Variants in VAV2 observed in about 807,000 individuals in gnomAD.
The protein encoded by VAV2 is guanine nucleotide exchange factor VAV2.
In VAV2, 67 loss-of-function variants were observed where a neutral mutation model predicts 132.5. That is an observed-to-expected ratio of 0.51 (90% CI 0.42 to 0.62). The LOEUF is 0.62. VAV2 is among the 20% of genes least tolerant of loss of function. The pLI, the probability that VAV2 is intolerant of heterozygous loss-of-function variation, is 0.00. For synonymous variants in VAV2, 492 were observed against 443.5 expected, an observed-to-expected ratio of 1.11 and a Z score of -1.37; for missense variants, 938 against 1,153.6, an observed-to-expected ratio of 0.81 and a Z score of 2.71.
At chr9:133,871,175 G>C (rs12348043) in intron 2 of VAV2, among the ~76,000 whole-genome samples, 5,463 of 150,338 alleles carry the variant, frequency 0.036, 328 homozygotes, top group African/African-American at 0.13. Flanking sequence ...TGGATGGATA[G>C]ATGAGTGGGT....
intron 13 of VAV2, among the ~76,000 whole-genome samples, chr9:133,790,208 A>G (rs539218543): frequency 6.6e-4 from 101 of 152,302 alleles, no homozygotes; most frequent in African/African-American, 2.2e-3. Flanking sequence ...AGATAGTCTC[A>G]CTACGTCACC....
chr9:133,830,863 C>T (rs140395310), intron 4 of VAV2, among the ~76,000 whole-genome samples: 73 of 152,174 alleles, frequency 4.8e-4, no homozygotes, highest in Admixed American at 3.1e-3. Context: ...GGAAAAACAA[C>T]ATAAAAAATT....
intron 2 of VAV2, among the ~76,000 whole-genome samples, chr9:133,906,512 ATCC>A (rs1261981903): frequency 6.6e-6 from 1 of 152,196 alleles, no homozygotes; most frequent in East Asian, 1.9e-4. Context: ...CCCAGCTTCA[ATCC>A]TGCAAGGACG....
chr9:133,832,059 T>C (rs1231644734), intron 4 of VAV2, among the ~76,000 whole-genome samples: 1 of 152,228 alleles, frequency 6.6e-6, no homozygotes, highest in African/African-American at 2.4e-5. Context: ...CATTGTCCTG[T>C]GGGTACAGGC....
At chr9:133,777,018 G>A (rs557641212) in intron 23 of VAV2, among the ~76,000 whole-genome samples, 1 of 152,194 alleles carries the variant, frequency 6.6e-6, no homozygotes, top group East Asian at 1.9e-4. Context: ...TGTTTGAGGG[G>A]AGCCTTTTTT....
chr9:133,990,490 G>A (rs1430430043), intron 1 of VAV2, among the ~76,000 whole-genome samples: 1 of 152,150 alleles, frequency 6.6e-6, no homozygotes, highest in Non-Finnish European at 1.5e-5. Flanking sequence ...GAGTCCACCA[G>A]GCAAGGCTGG....
At chr9:133,890,130 G>C (rs887065726) in intron 2 of VAV2, among the ~76,000 whole-genome samples, 1 of 152,182 alleles carries the variant, frequency 6.6e-6, no homozygotes, top group Non-Finnish European at 1.5e-5. Flanking sequence ...GCCAGGGCAT[G>C]GGCAGCACGG....
Position 133,797,819 on chromosome 9 carries a change from G to A in VAV2, c.837-10C>T, listed in dbSNP as rs1052005579. The A allele has an allele frequency of 5.6e-6, 9 of 1,609,514 alleles. No homozygotes were observed. Among genetic ancestry groups the A allele is most frequent in the Non-Finnish European group, 5.1e-6 (6 of 1,177,316 alleles). ...CCCGTAGATCAGAAGCCTGGACGGT[G>A]CACACACACGCACACACGCACACAG... is the stretch of plus-strand genomic sequence containing the variant. On this transcript the variant is annotated splice_polypyrimidine_tract_variant and intron_variant, in intron 9 of 29. Coordinates refer to ENST00000371850, the MANE Select transcript of VAV2 (RefSeq NM_001134398.2).
intron 7 of VAV2, among the ~76,000 whole-genome samples, chr9:133,808,215 G>A (rs930920852): frequency 6.6e-6 from 1 of 152,240 alleles, no homozygotes; most frequent in African/African-American, 2.4e-5. Flanking sequence ...GAACTGGAAG[G>A]ACCTGGGCCA....
At chr9:133,890,805 G>A (rs922504203) in intron 2 of VAV2, among the ~76,000 whole-genome samples, 19 of 152,252 alleles carry the variant, frequency 1.2e-4, no homozygotes, top group African/African-American at 3.9e-4. Context: ...GAAGCCGCAC[G>A]CTGGTGACGG....
intron 2 of VAV2, among the ~76,000 whole-genome samples, chr9:133,875,896 C>G (rs1016036450): frequency 6.6e-6 from 1 of 152,242 alleles, no homozygotes; most frequent in African/African-American, 2.4e-5. Flanking sequence ...GTATAGCAGA[C>G]GCCTCCCGTG....
At chr9:133,988,927 G>A (rs1461929301) in intron 1 of VAV2, among the ~76,000 whole-genome samples, 2 of 152,120 alleles carry the variant, frequency 1.3e-5, no homozygotes, top group African/African-American at 4.8e-5. Context: ...ATAGCTGGGC[G>A]TGGGCCAGGC....
At chr9:133,777,248 C>A in intron 23 of VAV2, 141 bp downstream of exon 23, 1 of 801,256 alleles carries the variant, frequency 1.2e-6, no homozygotes, top group Non-Finnish European at 2.1e-6. Flanking sequence ...TGGGCTCCAG[C>A]TCCAGGAAGC....
chr9:133,772,442 G>A (rs977459165), intron 25 of VAV2, among the ~76,000 whole-genome samples: 6 of 152,118 alleles, frequency 3.9e-5, no homozygotes, highest in Non-Finnish European at 5.9e-5. Flanking sequence ...CCACTTGGCC[G>A]GCCAGGCCTC....
intron 2 of VAV2, among the ~76,000 whole-genome samples, chr9:133,910,239 T>C (rs540633091): frequency 3.0e-4 from 46 of 152,294 alleles, no homozygotes; most frequent in African/African-American, 1.1e-3. Flanking sequence ...CCTGAGACTA[T>C]GGCACCGTCA....
At chr9:133,798,794 C>T (rs1205798935) in intron 9 of VAV2, among the ~76,000 whole-genome samples, 1 of 152,178 alleles carries the variant, frequency 6.6e-6, no homozygotes, top group Non-Finnish European at 1.5e-5. Flanking sequence ...GTGATTAGCC[C>T]CACTCTTCAG....
At chr9:133,939,775 C>T (rs75481899) in intron 1 of VAV2, among the ~76,000 whole-genome samples, 18 of 152,382 alleles carry the variant, frequency 1.2e-4, no homozygotes, top group African/African-American at 3.1e-4. Context: ...TTCCTAATCA[C>T]GGGTGACAAA....
intron 3 of VAV2, among the ~76,000 whole-genome samples, chr9:133,855,953 A>G (rs1837367716): frequency 6.6e-6 from 1 of 152,246 alleles, no homozygotes; most frequent in Admixed American, 6.5e-5. Flanking sequence ...GCCTAGCCAC[A>G]CACTGGAATG....
chr9:133,941,624 C>T (rs960574029), intron 1 of VAV2, among the ~76,000 whole-genome samples: 16 of 111,346 alleles, frequency 1.4e-4, no homozygotes, highest in Non-Finnish European at 2.9e-4. Flanking sequence ...GGGGGGGGGA[C>T]GGAATTTCGC....
Sources: gnomAD v4.1 joint callset for allele counts (sites outside exome capture counted in the v4.1 genomes callset) on GRCh38, gnomAD v4.1.1 for gene constraint, MANE v1.5 for transcripts, NCBI Gene and HGNC (gene_info 2026-07-23, HGNC 2026-07-21) for gene names.